The following RBM41 variants were observed in gnomAD, a reference collection of about 807,000 sequenced individuals.
RBM41 encodes RNA binding motif protein 41, also known as RNA-binding protein 41.
A neutral mutation model predicts 30.8 loss-of-function variants in RBM41; 14 were observed. That is an observed-to-expected ratio of 0.45 (90% CI 0.30 to 0.71). The LOEUF (loss-of-function observed/expected upper bound fraction) is 0.71. Ranked by LOEUF, RBM41 falls within the 30% of genes least tolerant of loss-of-function variation. The pLI is 0.08. For synonymous variants in RBM41, 120 were observed against 110.1 expected, an observed-to-expected ratio of 1.09 and a Z score of -0.56; for missense variants, 276 against 326.3, an observed-to-expected ratio of 0.85 and a Z score of 1.19.
intron 6 of RBM41, among the ~76,000 whole-genome samples, chrX:107,071,189 T>G (rs1217269973): frequency 2.4e-5 from 2 of 83,847 alleles, no homozygotes; most frequent in Admixed American, 1.4e-4. Flanking sequence ...ATGGGAAAGA[T>G]ATCAAAGTAT....
rs1277000218 is a variant in RBM41, at chrX:107,088,425, T to G, written c.999+11A>C. The G allele has an allele frequency of 5.0e-6, 6 of 1,198,131 alleles. No homozygotes were observed. In the Admixed American group the frequency reaches 1.3e-4, roughly 27 times the overall value. ...ATCAACCCAGGTTGTTTTACTTGGT[T>G]TGGCCTATACCTTGTTTGGTTCCCC... On this transcript the variant is annotated intron_variant, in intron 6 of 7. Coordinates refer to ENST00000685964, the MANE Select transcript of RBM41 (RefSeq NM_001324242.2).
chrX:107,078,194 C>T (rs893129733), intron 6 of RBM41, among the ~76,000 whole-genome samples: 25 of 111,130 alleles, frequency 2.2e-4, no homozygotes, highest in African/African-American at 8.2e-4. Flanking sequence ...TTGGTGTTGG[C>T]CTTAATCACC....
At chrX:107,075,051 T>A (rs1936183078) in intron 6 of RBM41, among the ~76,000 whole-genome samples, 1 of 111,940 alleles carries the variant, frequency 8.9e-6, no homozygotes, top group African/African-American at 3.2e-5. Flanking sequence ...GGTACTGGCA[T>A]AAAACTGGAC....
At chrX:107,087,695 T>A (rs1253479492) in intron 6 of RBM41, among the ~76,000 whole-genome samples, 1 of 112,245 alleles carries the variant, frequency 8.9e-6, no homozygotes, top group Non-Finnish European at 1.9e-5. Context: ...AACCTCCGCC[T>A]CCCGGGTTCA....
intron 6 of RBM41, among the ~76,000 whole-genome samples, chrX:107,083,276 G>A (rs1470768164): frequency 9.0e-6 from 1 of 110,595 alleles, no homozygotes; most frequent in Non-Finnish European, 1.9e-5. Flanking sequence ...GATGAGAAAT[G>A]TAATTCTTAC....
Position 107,091,927 on chromosome X carries a change from G to A in RBM41, c.596-3088C>T, listed in dbSNP as rs189250566. 5.4e-5 allele frequency among the ~76,000 whole-genome samples: 6 copies of A among 111,525 alleles called. No individual in the cohort carries two copies. In the East Asian group the frequency reaches 1.1e-3, roughly 21 times the overall value. On this transcript the variant is annotated intron_variant, in intron 5 of 7. Transcript: ENST00000685964. ...TTTAACTATTCCCCTCCTGATACAC[G>A]TTGGTCTTATATCTAGTCTCATACT...
Position 107,108,233 on chromosome X carries a change from C to T in RBM41, c.595+5164G>A, listed in dbSNP as rs1924173766. Among the ~76,000 whole-genome samples, 7 of 111,416 alleles carry T rather than the reference C, an allele frequency of 6.3e-5. No homozygotes were observed. The Admixed American group carries it at 6.7e-4, about 11-fold the overall frequency. On this transcript the variant is annotated intron_variant, in intron 5 of 7. Coordinates refer to ENST00000685964, the MANE Select transcript of RBM41 (RefSeq NM_001324242.2). ...AATTGGGTATAATACTGTACTATCT[C>T]ATAGGGTGCTGTAAGGTTTAAATGT...
intron 6 of RBM41, among the ~76,000 whole-genome samples, chrX:107,077,259 G>A (rs986082344): frequency 1.8e-5 from 2 of 110,879 alleles, no homozygotes; most frequent in African/African-American, 6.6e-5. Flanking sequence ...AGCCTCCCCA[G>A]TAGCTGGGAT....
In RBM41 at chrX:107,066,997, G is replaced by A; in HGVS notation, c.*530C>T. The stretch of plus-strand genomic sequence containing the variant: ...TGTGGAGGAAGCATTCATTAAATAA[G>A]TCAACTGACTTATGAAACTACCTAC... On this transcript the variant is annotated 3_prime_UTR_variant, in exon 8 of 8. Transcript: ENST00000685964. 2 of 747,288 alleles carry A rather than the reference G, an allele frequency of 2.7e-6. No individual in the cohort carries two copies. The highest frequency in any genetic ancestry group is 1.4e-4 in the South Asian group (2 of 14,661). 61.6% of individuals were successfully genotyped at this position (747,288 alleles called of 1,213,427 possible).
At chrX:107,074,707 C>T (rs918587444) in intron 6 of RBM41, among the ~76,000 whole-genome samples, 2 of 111,151 alleles carry the variant, frequency 1.8e-5, no homozygotes, top group African/African-American at 6.5e-5. Context: ...AGAACTTAAC[C>T]AAGGAGGTGA....
intron 6 of RBM41, among the ~76,000 whole-genome samples, chrX:107,085,876 CTT>C (rs1475790766): frequency 9.0e-6 from 1 of 111,709 alleles, no homozygotes; most frequent in Non-Finnish European, 1.9e-5. Context: ...AAATGAAAGA[CTT>C]TTGCTCAACA....
intron 4 of RBM41, 145 bp downstream of exon 4, chrX:107,115,207 C>T (rs1404951396): frequency 1.7e-6 from 1 of 577,672 alleles, no homozygotes; most frequent in African/African-American, 2.3e-5. Context: ...ACATATTTGT[C>T]TCTCTTATGG....
chrX:107,067,891 A>C (rs769883873), intron 7 of RBM41, among the ~76,000 whole-genome samples, 198 bp from the exon 8 acceptor site: 33 of 111,983 alleles, frequency 2.9e-4, no homozygotes, highest in Non-Finnish European at 5.6e-4. Flanking sequence ...TAATAACAAT[A>C]AAAACTCAAA....
chrX:107,076,648 T>A (rs775555858), intron 6 of RBM41, among the ~76,000 whole-genome samples: 1 of 111,355 alleles, frequency 9.0e-6, no homozygotes, highest in East Asian at 2.8e-4. Context: ...CTGTACAACA[T>A]TGTGCTTATT....
intron 6 of RBM41, among the ~76,000 whole-genome samples, chrX:107,080,278 TA>T (rs748867061): frequency 0.014 from 1,365 of 94,203 alleles, 27 homozygotes; most frequent in African/African-American, 0.048. Flanking sequence ...AATATATCCA[TA>T]AAAAAAAAAA....
chrX:107,069,466 T>C, intron 6 of RBM41, 64 bp from the exon 7 acceptor site: 3 of 1,102,628 alleles, frequency 2.7e-6, no homozygotes, highest in Non-Finnish European at 3.6e-6. Context: ...TTTGTTTTTT[T>C]CTTTTTGAGA....
intron 6 of RBM41, among the ~76,000 whole-genome samples, chrX:107,086,580 A>G (rs895825178): frequency 3.6e-5 from 4 of 111,973 alleles, no homozygotes; most frequent in African/African-American, 1.3e-4. Flanking sequence ...ACAAACACAT[A>G]TAAAAAAAAA....
intron 5 of RBM41, among the ~76,000 whole-genome samples, chrX:107,102,249 A>G (rs958191829): frequency 8.9e-6 from 1 of 111,766 alleles, no homozygotes; most frequent in African/African-American, 3.3e-5. Context: ...TATTTCACTA[A>G]GGAGATGAAT....
chrX:107,080,837 T>C (rs929587023), intron 6 of RBM41, among the ~76,000 whole-genome samples: 19 of 111,819 alleles, frequency 1.7e-4, no homozygotes, highest in African/African-American at 5.2e-4. Context: ...GTGACGTGTT[T>C]GTTCTTATTT....
Sources: gnomAD v4.1 joint callset for allele counts (sites outside exome capture counted in the v4.1 genomes callset) on GRCh38, gnomAD v4.1.1 for gene constraint, MANE v1.5 for transcripts, NCBI Gene and HGNC (gene_info 2026-07-23, HGNC 2026-07-21) for gene names.